MYO5B: variants seen among roughly 807,000 people sequenced by gnomAD.
The protein encoded by MYO5B is myosin VB, also known as unconventional myosin-Vb.
MYO5B carries 143 observed loss-of-function variants against 229.3 expected under a neutral mutation model. The observed-to-expected ratio is 0.62, with a 90% CI of 0.54 to 0.72. MYO5B has a LOEUF of 0.72. Among genes scored for constraint, MYO5B ranks in the 30% least tolerant of loss-of-function variants. The pLI is 0.00. For missense variants in MYO5B, 2,321 were observed against 2,331.0 expected (o/e 1.00, Z 0.09); for synonymous variants, 918 against 885.2 (o/e 1.04, Z -0.66).
chr18:49,858,654 T>G (rs546448709), intron 29 of MYO5B, among the ~76,000 whole-genome samples: 1 of 152,340 alleles, frequency 6.6e-6, no homozygotes, highest in South Asian at 2.1e-4. Flanking sequence ...GAAGTTAGGA[T>G]TAATGAATGC....
At chr18:50,181,962 C>G (rs1296382187) in intron 1 of MYO5B, among the ~76,000 whole-genome samples, 1 of 152,154 alleles carries the variant, frequency 6.6e-6, no homozygotes, top group Non-Finnish European at 1.5e-5. Context: ...CAATTTATCT[C>G]CCTTTAACAT....
intron 1 of MYO5B, among the ~76,000 whole-genome samples, chr18:50,109,537 T>C (rs12967053): frequency 0.21 from 32,156 of 151,886 alleles, 3,867 homozygotes; most frequent in Non-Finnish European, 0.27. Context: ...GCCATTCTCC[T>C]GCCTCAGCCT....
chr18:49,863,616 G>A (rs932603384), intron 28 of MYO5B, among the ~76,000 whole-genome samples: 2 of 152,170 alleles, frequency 1.3e-5, no homozygotes, highest in African/African-American at 4.8e-5. Flanking sequence ...CACACAGGTA[G>A]ACCCTGGTTC....
chr18:50,035,502 A>C (rs529113670), intron 4 of MYO5B, among the ~76,000 whole-genome samples: 1 of 152,322 alleles, frequency 6.6e-6, no homozygotes, highest in Admixed American at 6.5e-5. Context: ...TTCAGTCCCA[A>C]GGCCTCCCTC....
In MYO5B at chr18:49,954,571, G is replaced by T; in HGVS notation, c.1546-136C>A. The T allele has an allele frequency of 6.1e-6, 7 of 1,155,164 alleles. No individual in the cohort carries two copies. The South Asian group carries it at 6.4e-5, about 10-fold the overall frequency. The allele number at this position is 1,155,164 out of a possible 1,614,324, so 71.6% of individuals were successfully genotyped here. On this transcript the variant is annotated intron_variant, in intron 12 of 39. Coordinates refer to ENST00000285039, the MANE Select transcript of MYO5B (RefSeq NM_001080467.3). ...CCTCGAACCAGGACCTTAACTGGAC[G>T]GTGCAAAGAATGATTCAACCATACA...
At chr18:49,829,043 C>G (rs1247684271) in intron 39 of MYO5B, among the ~76,000 whole-genome samples, 2 of 149,856 alleles carry the variant, frequency 1.3e-5, no homozygotes, top group Admixed American at 6.7e-5. Context: ...AGATCAATAC[C>G]CAAAACAAAT....
chr18:49,841,022 C>T (rs1214950382), intron 35 of MYO5B, among the ~76,000 whole-genome samples: 2 of 152,184 alleles, frequency 1.3e-5, no homozygotes, highest in African/African-American at 4.8e-5. Flanking sequence ...TGCCAGTATC[C>T]ACTGCAGTGG....
In MYO5B at chr18:49,947,250, C is replaced by T. The variant is rs184724446; in HGVS notation, c.1752+6010G>A. ...CCTCCCGAGTAGCTGGGACTACAGG[C>T]GCCCGCCACCACGCCTGGCTAATTT... On this transcript the variant is annotated intron_variant, in intron 14 of 39. Transcript: ENST00000285039. Among the ~76,000 whole-genome samples, 739 of 152,028 alleles carry T rather than the reference C, an allele frequency of 4.9e-3. 2 individuals are homozygous for T. Among genetic ancestry groups the T allele is most frequent in the Non-Finnish European group, 8.1e-3 (550 of 67,970 alleles).
chr18:50,069,670 A>T (rs967325943), intron 1 of MYO5B, among the ~76,000 whole-genome samples: 14 of 152,202 alleles, frequency 9.2e-5, no homozygotes, highest in African/African-American at 3.1e-4. Flanking sequence ...TCCATGGGAC[A>T]GGAAGCACAG....
chr18:50,016,994 C>G (rs1356705657), intron 4 of MYO5B, among the ~76,000 whole-genome samples: 1 of 152,032 alleles, frequency 6.6e-6, no homozygotes, highest in African/African-American at 2.4e-5. Context: ...CCCAATCTAC[C>G]CTACCATCCC....
At chr18:50,156,858 C>T (rs1174874156) in intron 1 of MYO5B, among the ~76,000 whole-genome samples, 2 of 152,182 alleles carry the variant, frequency 1.3e-5, no homozygotes, top group Non-Finnish European at 2.9e-5. Context: ...GCCATCATTT[C>T]GACCTTCAAT....
chr18:49,885,102 C>T (rs1344448864), intron 22 of MYO5B, among the ~76,000 whole-genome samples: 1 of 152,120 alleles, frequency 6.6e-6, no homozygotes, highest in African/African-American at 2.4e-5. Flanking sequence ...CATAGAGTTG[C>T]CATGTGACCC....
intron 5 of MYO5B, among the ~76,000 whole-genome samples, chr18:49,993,930 T>A (rs2025959497): frequency 6.6e-6 from 1 of 152,170 alleles, no homozygotes; most frequent in African/African-American, 2.4e-5. Context: ...GAACCGACCC[T>A]TCCCTGCCTC....
Position 49,902,619 on chromosome 18 carries a change from T to C in MYO5B, c.2786A>G (p.Gln929Arg). The C allele has an allele frequency of 6.2e-7, 1 of 1,613,152 alleles. No homozygotes were observed. The highest frequency in any genetic ancestry group is 2.2e-5 in the East Asian group (1 of 44,882). The change falls in exon 21 of 40, where the codon CAG becomes CGG. Residue 929 changes from glutamine (Q) to arginine (R), a missense_variant. Physicochemically the swap from Gln to Arg is conservative, Grantham distance 43 (BLOSUM62 1). Coordinates refer to ENST00000285039, the MANE Select transcript of MYO5B (RefSeq NM_001080467.3). The stretch of plus-strand genomic sequence containing the variant: ...CTGCTCATCGATCTTCCGCTGCAGC[T>C]GGACCACCTTGTTCTCCATGCCCAC... Reference protein sequence around the residue: ...LNVGMENKVVQLQRKIDEQNK... With the variant: ...LNVGMENKVVRLQRKIDEQNK...
chr18:50,033,859 C>T (rs191055743), intron 4 of MYO5B, among the ~76,000 whole-genome samples: 1 of 152,022 alleles, frequency 6.6e-6, no homozygotes, highest in African/African-American at 2.4e-5. Context: ...TCTTCTCTTA[C>T]GGCTATCTCC....
chr18:50,137,464 C>T (rs1358131848), intron 1 of MYO5B, among the ~76,000 whole-genome samples: 7 of 152,204 alleles, frequency 4.6e-5, no homozygotes, highest in Admixed American at 4.6e-4. Flanking sequence ...CCTCTAGGCT[C>T]AGTTTTCTCA....
At chr18:49,953,154 G>T in intron 14 of MYO5B, 106 bp downstream of exon 14, 1 of 1,066,336 alleles carries the variant, frequency 9.4e-7, no homozygotes, top group Non-Finnish European at 1.5e-6. Context: ...CCTCCTCCCT[G>T]CCCAGCATCT....
chr18:49,916,666 G>A (rs1276210724), intron 17 of MYO5B, among the ~76,000 whole-genome samples: 2 of 152,158 alleles, frequency 1.3e-5, no homozygotes, highest in Non-Finnish European at 2.9e-5. Context: ...ACCGTCCACT[G>A]AGAAGCACCA....
chr18:49,993,005 C>A (rs1299448006), intron 5 of MYO5B, among the ~76,000 whole-genome samples: 2 of 152,120 alleles, frequency 1.3e-5, no homozygotes, highest in African/African-American at 4.8e-5. Context: ...ACACTCCTTC[C>A]CACCTCAGGA....
Sources: gnomAD v4.1 joint callset for allele counts (sites outside exome capture counted in the v4.1 genomes callset) on GRCh38, gnomAD v4.1.1 for gene constraint, MANE v1.5 for transcripts, NCBI Gene and HGNC (gene_info 2026-07-23, HGNC 2026-07-21) for gene names.